CCNT2: variants seen among roughly 807,000 people sequenced by gnomAD.
CCNT2 encodes cyclin-T2.
Under a neutral mutation model 70.0 loss-of-function variants are expected in CCNT2, and 18 were observed. The ratio of observed to expected loss-of-function variants is 0.26; its 90% CI spans 0.18 to 0.38. The LOEUF (loss-of-function observed/expected upper bound fraction) is 0.38, where lower values mean the gene tolerates loss of function less well. Among genes scored for constraint, CCNT2 ranks in the 10% least tolerant of loss-of-function variants. CCNT2 has a pLI of 1.00. For synonymous variants in CCNT2, 334 were observed against 313.3 expected, an observed-to-expected ratio of 1.07 and a Z score of -0.70; for missense variants, 734 against 890.2, an observed-to-expected ratio of 0.82 and a Z score of 2.23.
chr2:134,956,606 C>T lies in CCNT2; in HGVS notation c.*1958C>T. ...TCTTGGTAATTTAGATGTGAAACCTCTACAGAGCTATCATGTAAAAACTAC... is the reference window on the plus strand; with the variant it reads ...TCTTGGTAATTTAGATGTGAAACCTTTACAGAGCTATCATGTAAAAACTAC... On this transcript the variant is annotated 3_prime_UTR_variant, in exon 9 of 9. Coordinates refer to ENST00000264157, the MANE Select transcript of CCNT2 (RefSeq NM_058241.3). 1 of 152,640 alleles carries T rather than the reference C, an allele frequency of 6.6e-6. No homozygotes were observed. 9.5% of individuals were successfully genotyped at this position (152,640 alleles called of 1,614,324 possible). A position where few individuals can be genotyped will look rare whatever the true frequency, so the allele number is the denominator to read the frequency against.
chr2:134,929,613 C>CAGAGAGAG (rs140163816), intron 2 of CCNT2, among the ~76,000 whole-genome samples: 1,712 of 117,650 alleles, frequency 0.015, 70 homozygotes, highest in African/African-American at 0.054. Context: ...GTCTCAAAAA[C>CAGAGAGAG]AGAGAGAGAG....
Position 134,953,915 on chromosome 2 carries a change from C to G in CCNT2, c.1460C>G (p.Pro487Arg). ...SVTSPIKMKI[P>R]IANTEKYMAD... ...ACTTCTCCCATTAAAATGAAAATACCTATCGCAAATACTGAAAAATACATG... is the reference window on the plus strand; with the variant it reads ...ACTTCTCCCATTAAAATGAAAATACGTATCGCAAATACTGAAAAATACATG... Residue 487 changes from proline to arginine, a missense_variant, in exon 9 of 9, where the codon CCT (proline) becomes CGT (arginine). Coordinates refer to ENST00000264157, the MANE Select transcript of CCNT2 (RefSeq NM_058241.3). 1 of 1,613,832 alleles carries G rather than the reference C, an allele frequency of 6.2e-7. No homozygotes were observed. Among genetic ancestry groups the G allele is most frequent in the Non-Finnish European group, 8.5e-7 (1 of 1,179,924 alleles).
chr2:134,920,811 A>G (rs1427137677), intron 2 of CCNT2, among the ~76,000 whole-genome samples: 4 of 152,226 alleles, frequency 2.6e-5, no homozygotes, highest in Non-Finnish European at 5.9e-5. Context: ...TTATTTGCTA[A>G]GAAAACAATC....
At position 134,923,609 on chromosome 2, in the gene CCNT2, G is replaced by A. The variant is rs576750206; in HGVS notation, c.240+3718G>A. On this transcript the variant is annotated intron_variant, in intron 2 of 8. Coordinates refer to ENST00000264157, the MANE Select transcript of CCNT2 (RefSeq NM_058241.3). ...AGGTACTAACCTGTAAATTTGAGAC[G>A]ATTAGCCTAGATGATTTTTAAATTC... Among the ~76,000 whole-genome samples the A allele has an allele frequency of 3.3e-5, 5 of 152,320 alleles. No individual in the cohort carries two copies. In the East Asian group the frequency reaches 5.8e-4, roughly 18 times the overall value.
intron 2 of CCNT2, among the ~76,000 whole-genome samples, chr2:134,925,984 G>C (rs760633522): frequency 2.0e-5 from 3 of 148,580 alleles, no homozygotes; most frequent in Non-Finnish European, 4.4e-5. Flanking sequence ...CCCCACCTTA[G>C]CCTCCCAAGT....
At chr2:134,951,679 A>G (rs755573578) in intron 7 of CCNT2, among the ~76,000 whole-genome samples, 3 of 152,180 alleles carry the variant, frequency 2.0e-5, no homozygotes, top group Non-Finnish European at 2.9e-5. Flanking sequence ...TGTCTCTGTT[A>G]TTTAACAAAA....
chr2:134,944,812 G>A (rs1681832585), intron 5 of CCNT2: 1 of 985,218 alleles, frequency 1.0e-6, no homozygotes, highest in Non-Finnish European at 1.2e-6. Context: ...TCTATTCTCT[G>A]TTGCACAGTG....
chr2:134,943,660 T>G (rs1240848672), intron 5 of CCNT2: 1 of 984,424 alleles, frequency 1.0e-6, no homozygotes, highest in Non-Finnish European at 1.2e-6. Flanking sequence ...TACAGCATTT[T>G]CTACTCCTAA....
rs1457643938 is a variant in CCNT2 at position 134,954,459 on chromosome 2, T to C, written c.2004T>C (p.Pro668=). 10 of 1,613,784 alleles carry C rather than the reference T, an allele frequency of 6.2e-6. No homozygotes were observed. The highest frequency in any genetic ancestry group is 8.5e-6 in the Non-Finnish European group (10 of 1,179,964). Residue 668 remains proline, a synonymous_variant, in exon 9 of 9, where the codon CCT becomes CCC. Coordinates refer to ENST00000264157, the MANE Select transcript of CCNT2 (RefSeq NM_058241.3). ...HNSVFNHPLP[P]PPPVTYQVGY... Reference sequence around the variant, plus strand: ...CTGTTTTTAACCATCCCTTACCCCCTCCTCCCCCTGTCACATACCAGGTGG... The same window carrying C: ...CTGTTTTTAACCATCCCTTACCCCCCCCTCCCCCTGTCACATACCAGGTGG...
At chr2:134,949,804 G>C (rs917619749) in intron 7 of CCNT2, among the ~76,000 whole-genome samples, 28 of 137,612 alleles carry the variant, frequency 2.0e-4, no homozygotes, top group African/African-American at 6.8e-4. Context: ...TTTTTTTTCG[G>C]GGGGGGGGTG....
At chr2:134,953,198 A>G (rs1682659856) in intron 8 of CCNT2, 32 bp from the exon 9 acceptor site, 3 of 1,488,680 alleles carry the variant, frequency 2.0e-6, no homozygotes, top group Non-Finnish European at 2.8e-6. Context: ...ATTTTGCTAT[A>G]TCACTGCTTC....
chr2:134,945,753 TTTCTTC>T (rs531669363), intron 5 of CCNT2: 3 of 1,300,960 alleles, frequency 2.3e-6, no homozygotes, highest in Non-Finnish European at 3.0e-6. Flanking sequence ...TTCAAAATCT[TTTCTTC>T]TTCTTCTTCT....
chr2:134,929,635 G>GAGAGAGAGAGAA (rs1162062330), intron 2 of CCNT2, among the ~76,000 whole-genome samples: 1 of 129,900 alleles, frequency 7.7e-6, no homozygotes. Flanking sequence ...GAGAGAGAGA[G>GAGAGAGAGAGAA]AACTAATAAA....
intron 7 of CCNT2, among the ~76,000 whole-genome samples, chr2:134,948,398 T>G (rs1682159909): frequency 6.6e-6 from 1 of 152,214 alleles, no homozygotes; most frequent in Non-Finnish European, 1.5e-5. Context: ...GAATAGTGAT[T>G]TAAAGTATAC....
intron 2 of CCNT2, among the ~76,000 whole-genome samples, chr2:134,925,933 A>G (rs917886100): frequency 1.4e-5 from 2 of 139,356 alleles, no homozygotes; most frequent in Non-Finnish European, 3.0e-5. Flanking sequence ...TGGCACAATC[A>G]TGGCTCACTG....
chr2:134,943,259 G>A (rs968897810), intron 5 of CCNT2: 15 of 369,312 alleles, frequency 4.1e-5, no homozygotes, highest in African/African-American at 3.1e-4. Flanking sequence ...AAATTAGCTG[G>A]TTGTGGTGGT....
In CCNT2 at chr2:134,958,957, C is replaced by G. The variant is rs1380984871; in HGVS notation, c.*4309C>G. 1 of 152,176 alleles carries G rather than the reference C, an allele frequency of 6.6e-6. No individual in the cohort carries two copies. The highest frequency in any genetic ancestry group is 1.5e-5 in the Non-Finnish European group (1 of 68,028). The allele number at this position is 152,176 out of a possible 1,614,324, so 9.4% of individuals were successfully genotyped here. On this transcript the variant is annotated 3_prime_UTR_variant, in exon 9 of 9. Coordinates refer to ENST00000264157, the MANE Select transcript of CCNT2 (RefSeq NM_058241.3). ...ACTTCACTGTGGAATCCATTTATCT[C>G]AAAGTTTGAGGGCTGTCTACTTTAT... is the stretch of plus-strand genomic sequence containing the variant.
intron 7 of CCNT2, among the ~76,000 whole-genome samples, chr2:134,951,641 G>T (rs184639111): frequency 4.6e-5 from 7 of 152,042 alleles, no homozygotes; most frequent in African/African-American, 7.3e-5. Context: ...AGGAGTTTGA[G>T]ACCAGCCTGG....
intron 1 of CCNT2, 131 bp downstream of exon 1, chr2:134,919,143 G>A (rs1679641429): frequency 1.9e-6 from 2 of 1,067,532 alleles, no homozygotes; most frequent in South Asian, 1.6e-5. Flanking sequence ...GGGAAGTAAT[G>A]TTCCGGCTCG....
Sources: allele counts gnomAD v4.1 joint callset (sites outside exome capture counted in the v4.1 genomes callset), GRCh38; gene constraint gnomAD v4.1.1; transcripts MANE v1.5; gene names NCBI Gene and HGNC (gene_info 2026-07-23, HGNC 2026-07-21).